Variants in LY96 observed in about 807,000 individuals in gnomAD.
The protein encoded by LY96 is lymphocyte antigen 96.
LY96 carries 18 observed loss-of-function variants against 18.9 expected under a neutral mutation model. The ratio of observed to expected loss-of-function variants is 0.95; its 90% confidence interval spans 0.66 to 1.41. The LOEUF is 1.41. Ranked by LOEUF, LY96 falls within the 40% of genes most tolerant of loss-of-function variation. LY96 has a pLI of 0.00. For synonymous variants in LY96, 66 were observed against 62.6 expected (o/e 1.06, Z -0.26); for missense variants, 175 against 182.4 (o/e 0.96, Z 0.23).
rs1048139586 is a variant in LY96 at position 74,026,915 on chromosome 8, A to G, written c.384+74A>G. The G allele has an allele frequency of 1.3e-5, 10 of 767,866 alleles. No individual in the cohort carries two copies. In the African/African-American group the frequency reaches 1.4e-4, roughly 11 times the overall value. The allele number at this position is 767,866 out of a possible 1,614,324, so 47.6% of individuals were successfully genotyped here. A position where few individuals can be genotyped will look rare whatever the true frequency, so the allele number is the denominator to read the frequency against. ...ACATGTTAAGCATTTGAAACAAGCA[A>G]TTCACAACTTCTTCCTTTTTCTTTC... is the stretch of plus-strand genomic sequence containing the variant. On this transcript the variant is annotated intron_variant, in intron 4 of 4. Transcript: ENST00000284818.
chr8:74,029,719 G>C (rs1816938356), downstream of LY96, among the ~76,000 whole-genome samples: 1 of 152,130 alleles, frequency 6.6e-6, no homozygotes, highest in Non-Finnish European at 1.5e-5. Context: ...GAGTGCAGTG[G>C]CACCATCTCG....
chr8:74,051,004 C>T, the LY96 span, among the ~76,000 whole-genome samples: 1 of 152,174 alleles, frequency 6.6e-6, no homozygotes, highest in Non-Finnish European at 1.5e-5. Flanking sequence ...GCCTGAGCGA[C>T]AGAGTGAGAC....
chr8:74,054,791 G>T, the LY96 span, among the ~76,000 whole-genome samples: 1 of 150,532 alleles, frequency 6.6e-6, no homozygotes, highest in Non-Finnish European at 1.5e-5. Flanking sequence ...AGCCTCCTGA[G>T]TAGCTAGGAC....
chr8:74,069,034 C>A, the LY96 span, among the ~76,000 whole-genome samples: 6 of 152,168 alleles, frequency 3.9e-5, no homozygotes, highest in Admixed American at 1.3e-4. Flanking sequence ...GATCTGCCTG[C>A]CTTGGCCTCC....
In LY96 at chr8:73,996,373, C is replaced by CTTCCTTCCTTCA. The variant is rs1563707839; in HGVS notation, c.112+4821_112+4822insCCTTCCTTCATT. ...CCTTCCTTCCTTCCTTCCTTCATTC[C>CTTCCTTCCTTCA]TTTCTTTCTTTCTTTCTTTCTTTCT... On this transcript the variant is annotated intron_variant, in intron 1 of 4. Transcript: ENST00000284818. Among the ~76,000 whole-genome samples the CTTCCTTCCTTCA allele has an allele frequency of 3.9e-4, 7 of 18,036 alleles. 1 individual carries two copies. Among genetic ancestry groups the CTTCCTTCCTTCA allele is most frequent in the East Asian group, 2.5e-3 (2 of 808 alleles). The allele number at this position is 18,036 out of a possible 152,430, so 11.8% of individuals were successfully genotyped here.
chr8:74,021,216 A>G lies in LY96; in HGVS notation c.332-5573A>G, dbSNP rs1397222803. Among the ~76,000 whole-genome samples, 4 of 152,332 alleles carry G rather than the reference A, an allele frequency of 2.6e-5. No individual in the cohort carries two copies. In the East Asian group the frequency reaches 7.7e-4, roughly 29 times the overall value. On this transcript the variant is annotated intron_variant, in intron 3 of 4. Transcript: ENST00000284818. Reference sequence around the variant, plus strand: ...CAGAATCTACAAAGAACTTAAACAAATTTACAAGAAAAAATCAAACAACCC... The same window carrying G: ...CAGAATCTACAAAGAACTTAAACAAGTTTACAAGAAAAAATCAAACAACCC...
chr8:74,039,242 G>C, the LY96 span, among the ~76,000 whole-genome samples: 1 of 152,014 alleles, frequency 6.6e-6, no homozygotes, highest in African/African-American at 2.4e-5. Flanking sequence ...TTTTCCTGTA[G>C]AGTTATTTGA....
At chr8:74,002,615 A>G (rs1816320587) in intron 1 of LY96, among the ~76,000 whole-genome samples, 2 of 144,512 alleles carry the variant, frequency 1.4e-5, no homozygotes, top group Admixed American at 7.1e-5. Context: ...TCTGTTGCCC[A>G]GGCTGGAGTG....
At chr8:73,996,242 G>A (rs1048747481) in intron 1 of LY96, among the ~76,000 whole-genome samples, 1 of 152,074 alleles carries the variant, frequency 6.6e-6, no homozygotes, top group Non-Finnish European at 1.5e-5. Context: ...GGCTCAAGCA[G>A]TTCTCCTGCC....
the LY96 span, among the ~76,000 whole-genome samples, chr8:74,044,014 C>T: frequency 0.24 from 36,725 of 151,812 alleles, 5,148 homozygotes; most frequent in African/African-American, 0.39. Flanking sequence ...AAGGGAACCT[C>T]CTGCCTCAGC....
At chr8:74,022,959 A>C (rs958410733) in intron 3 of LY96, among the ~76,000 whole-genome samples, 2 of 151,978 alleles carry the variant, frequency 1.3e-5, no homozygotes, top group Non-Finnish European at 2.9e-5. Context: ...AAGTTTACAG[A>C]GTTGGCTTTA....
At chr8:74,044,132 A>C in the LY96 span, among the ~76,000 whole-genome samples, 1 of 152,158 alleles carries the variant, frequency 6.6e-6, no homozygotes, top group Non-Finnish European at 1.5e-5. Flanking sequence ...AACAACACTT[A>C]GTAAGCAAGG....
At chr8:74,062,490 G>A in the LY96 span, among the ~76,000 whole-genome samples, 11 of 151,592 alleles carry the variant, frequency 7.3e-5, 1 homozygote, top group Admixed American at 7.3e-4. Flanking sequence ...GTGAGAACAT[G>A]CGGTCTTTGG....
the LY96 span, among the ~76,000 whole-genome samples, chr8:74,088,153 A>AGAAT: frequency 2.1e-4 from 15 of 70,136 alleles, no homozygotes; most frequent in Middle Eastern, 7.0e-3. Context: ...TAGAATAGAA[A>AGAAT]AGAATAGAAA....
At chr8:74,044,632 C>T in the LY96 span, among the ~76,000 whole-genome samples, 8 of 152,156 alleles carry the variant, frequency 5.3e-5, no homozygotes, top group East Asian at 1.9e-4. Context: ...CAAATGGAGA[C>T]GGTGGTGAGG....
At chr8:73,992,432 G>C (rs1816022152) in intron 1 of LY96, among the ~76,000 whole-genome samples, 1 of 152,132 alleles carries the variant, frequency 6.6e-6, no homozygotes, top group Admixed American at 6.5e-5. Context: ...CTAATCATCT[G>C]GGAGAGATTT....
chr8:73,993,105 C>T (rs983082107), intron 1 of LY96, among the ~76,000 whole-genome samples: 13 of 151,664 alleles, frequency 8.6e-5, no homozygotes, highest in Non-Finnish European at 1.5e-5. Context: ...TTGTGATCTG[C>T]CCACCCCGGC....
the LY96 span, among the ~76,000 whole-genome samples, chr8:74,088,082 G>GAAGAA: frequency 2.7e-3 from 189 of 70,068 alleles, 1 homozygote; most frequent in Non-Finnish European, 4.4e-3. Flanking sequence ...TTCACTGAGA[G>GAAGAA]AAGAATAGAA....
Position 74,019,014 on chromosome 8 carries a change from C to T in LY96, c.332-7775C>T, listed in dbSNP as rs150428022. Among the ~76,000 whole-genome samples, 194 of 152,048 alleles carry T rather than the reference C, an allele frequency of 1.3e-3. 1 individual carries two copies. The highest frequency in any genetic ancestry group is 1.5e-3 in the Non-Finnish European group (104 of 67,992). On this transcript the variant is annotated intron_variant, in intron 3 of 4. Transcript: ENST00000284818. ...CACCCTAACATCACAATTAAAAGAA[C>T]TAGAGAAGCAAGAGCAAACACATTG...
Sources: gnomAD v4.1 joint callset for allele counts (sites outside exome capture counted in the v4.1 genomes callset) on GRCh38, gnomAD v4.1.1 for gene constraint, MANE v1.5 for transcripts, NCBI Gene and HGNC (gene_info 2026-07-23, HGNC 2026-07-21) for gene names.